Variants in CHCHD6 observed in about 807,000 individuals in gnomAD.
CHCHD6 encodes MICOS complex subunit MIC25.
A neutral mutation model predicts 32.3 loss-of-function variants in CHCHD6; 28 were observed. The observed-to-expected ratio is 0.87, with a 90% CI of 0.64 to 1.19. The LOEUF is 1.19. Among genes scored for constraint, CHCHD6 ranks in the 50% most tolerant of loss-of-function variants. The probability of loss-of-function intolerance (pLI) is 0.00; values close to 1 mark genes in which losing one functional copy is unlikely to be tolerated. For synonymous variants in CHCHD6, 122 were observed against 117.5 expected, an observed-to-expected ratio of 1.04 and a Z score of -0.25; for missense variants, 333 against 307.0, an observed-to-expected ratio of 1.08 and a Z score of -0.63.
intron 6 of CHCHD6, among the ~76,000 whole-genome samples, chr3:126,942,701 A>G (rs997569668): frequency 2.0e-5 from 3 of 152,026 alleles, no homozygotes; most frequent in Non-Finnish European, 1.5e-5. Context: ...TTCTCCCAGG[A>G]GCCACATTCC....
At chr3:126,766,663 G>A in intron 4 of CHCHD6, 1 of 1,043,976 alleles carries the variant, frequency 9.6e-7, no homozygotes, top group Non-Finnish European at 1.5e-6. Flanking sequence ...TCTCTCGGTG[G>A]CCACAATGAT....
At chr3:126,765,470 G>A (rs1937332525) in intron 4 of CHCHD6, among the ~76,000 whole-genome samples, 2 of 152,192 alleles carry the variant, frequency 1.3e-5, no homozygotes, top group Admixed American at 1.3e-4. Context: ...CAAATATTTG[G>A]TACCAGAGCC....
intron 5 of CHCHD6, among the ~76,000 whole-genome samples, chr3:126,881,878 G>A (rs2077615648): frequency 6.6e-6 from 1 of 152,226 alleles, no homozygotes; most frequent in Non-Finnish European, 1.5e-5. Context: ...TGCCCTGGCA[G>A]GTGGCTCTGG....
chr3:126,740,774 C>T (rs998079507), intron 4 of CHCHD6, among the ~76,000 whole-genome samples: 65 of 152,190 alleles, frequency 4.3e-4, no homozygotes, highest in Non-Finnish European at 7.6e-4. Flanking sequence ...CCCACTTAAC[C>T]TGGCCTTGGT....
At position 126,704,406 on chromosome 3, in the gene CHCHD6, G is replaced by C. The variant is rs368894266; in HGVS notation, c.87+7G>C. On this transcript the variant is annotated splice_region_variant and intron_variant, in intron 1 of 7. Coordinates refer to ENST00000290913, the MANE Select transcript of CHCHD6 (RefSeq NM_032343.3). ...GGTGCTGCAGGGTGTCCGGGTGAGCGGCGCCGCCTGGGCCGGGGCGGGCGT... is the reference window on the plus strand; with the variant it reads ...GGTGCTGCAGGGTGTCCGGGTGAGCCGCGCCGCCTGGGCCGGGGCGGGCGT... The C allele has an allele frequency of 1.3e-6, 2 of 1,517,678 alleles. No individual in the cohort carries two copies. Among genetic ancestry groups the C allele is most frequent in the African/African-American group, 2.9e-5 (2 of 69,362 alleles). 94.0% of individuals were successfully genotyped at this position (1,517,678 alleles called of 1,614,324 possible).
chr3:126,796,813 C>T (rs1367644696), intron 4 of CHCHD6, among the ~76,000 whole-genome samples: 4 of 152,122 alleles, frequency 2.6e-5, no homozygotes, highest in Admixed American at 1.3e-4. Context: ...CCACTCGAAG[C>T]CTCTGTGGCC....
At chr3:126,944,381 GC>G (rs2078604781) in intron 6 of CHCHD6, among the ~76,000 whole-genome samples, 1 of 152,250 alleles carries the variant, frequency 6.6e-6, no homozygotes, top group Admixed American at 6.5e-5. Flanking sequence ...AATTATTGAT[GC>G]TCTGCCTACC....
At chr3:126,934,801 G>A (rs960920064) in intron 6 of CHCHD6, among the ~76,000 whole-genome samples, 1 of 151,922 alleles carries the variant, frequency 6.6e-6, no homozygotes, top group South Asian at 2.1e-4. Context: ...CGCCCGCCTC[G>A]GCCTCCCAGA....
At chr3:126,931,228 T>G (rs1287446559) in intron 6 of CHCHD6, among the ~76,000 whole-genome samples, 1 of 152,202 alleles carries the variant, frequency 6.6e-6, no homozygotes, top group Non-Finnish European at 1.5e-5. Flanking sequence ...GAGTTGAGGT[T>G]CTTTGTGGAG....
chr3:126,937,070 A>T (rs2107601389), intron 6 of CHCHD6, among the ~76,000 whole-genome samples: 1 of 152,352 alleles, frequency 6.6e-6, no homozygotes, highest in African/African-American at 2.4e-5. Context: ...GAGCTGGGCA[A>T]CCAGTGTTGT....
At chr3:126,835,341 G>T (rs1361144175) in intron 4 of CHCHD6, among the ~76,000 whole-genome samples, 1 of 152,232 alleles carries the variant, frequency 6.6e-6, no homozygotes, top group African/African-American at 2.4e-5. Flanking sequence ...CGGGCTGAGG[G>T]TGTGACAGTG....
intron 5 of CHCHD6, among the ~76,000 whole-genome samples, chr3:126,912,985 G>A (rs995147497): frequency 1.3e-5 from 2 of 151,734 alleles, no homozygotes; most frequent in Non-Finnish European, 2.9e-5. Flanking sequence ...CTCTCACTTC[G>A]TGTCTGCCCA....
chr3:126,901,298 C>T lies in CHCHD6; in HGVS notation c.496-13382C>T, dbSNP rs955844485. Reference sequence around the variant, plus strand: ...GACTCTTAGTTTTGCCGTCCTCTGACGGGAGGCGCTGTCTGTGTCTCAGAA... The same window carrying T: ...GACTCTTAGTTTTGCCGTCCTCTGATGGGAGGCGCTGTCTGTGTCTCAGAA... On this transcript the variant is annotated intron_variant, in intron 5 of 7. Transcript: ENST00000290913. Among the ~76,000 whole-genome samples the T allele has an allele frequency of 5.3e-5, 8 of 152,332 alleles. No homozygotes were observed. The East Asian group carries it at 1.2e-3, about 22-fold the overall frequency.
chr3:126,872,384 G>A (rs1290499057), intron 5 of CHCHD6, among the ~76,000 whole-genome samples: 1 of 151,956 alleles, frequency 6.6e-6, no homozygotes, highest in Non-Finnish European at 1.5e-5. Context: ...TTTTTTAAGT[G>A]CCAAGATGAA....
intron 5 of CHCHD6, among the ~76,000 whole-genome samples, chr3:126,865,875 T>C (rs1469340434): frequency 1.3e-5 from 2 of 152,226 alleles, no homozygotes; most frequent in African/African-American, 4.8e-5. Flanking sequence ...AGAGAGGCTG[T>C]GGCCCTCCTG....
intron 4 of CHCHD6, chr3:126,767,213 A>G: frequency 1.3e-6 from 2 of 1,567,002 alleles, no homozygotes; most frequent in East Asian, 2.2e-5. Flanking sequence ...CATTTTGGTA[A>G]TTGGCTGGCC....
chr3:126,949,983 G>A (rs1426447201), intron 6 of CHCHD6: 1 of 152,938 alleles, frequency 6.5e-6, no homozygotes, highest in Non-Finnish European at 1.5e-5. Context: ...AGAAGGAAGG[G>A]AAGTCTTCAG....
intron 5 of CHCHD6, among the ~76,000 whole-genome samples, chr3:126,862,498 A>C (rs1293884439): frequency 1.1e-5 from 1 of 87,184 alleles, no homozygotes; most frequent in Admixed American, 1.3e-4. Flanking sequence ...CACCATCACC[A>C]CCTCCCCCTC....
chr3:126,878,522 C>A (rs1441620237), intron 5 of CHCHD6, among the ~76,000 whole-genome samples: 1 of 152,166 alleles, frequency 6.6e-6, no homozygotes, highest in African/African-American at 2.4e-5. Flanking sequence ...TGGATTAGAA[C>A]ACATTGAATG....
Sources: allele counts gnomAD v4.1 joint callset (sites outside exome capture counted in the v4.1 genomes callset), GRCh38; gene constraint gnomAD v4.1.1; transcripts MANE v1.5; gene names NCBI Gene and HGNC (gene_info 2026-07-23, HGNC 2026-07-21).